Variants in ALK observed in about 807,000 individuals in gnomAD.
The protein encoded by ALK is ALK tyrosine kinase receptor.
A neutral mutation model predicts 163.1 loss-of-function variants in ALK; 74 were observed. The ratio of observed to expected loss-of-function variants is 0.45; its 90% confidence interval spans 0.38 to 0.55. The LOEUF (loss-of-function observed/expected upper bound fraction) is 0.55. Among genes scored for constraint, ALK ranks in the 20% least tolerant of loss-of-function variants. ALK has a pLI of 0.00. For synonymous variants in ALK, 960 were observed against 843.2 expected, an observed-to-expected ratio of 1.14 and a Z score of -2.40; for missense variants, 2,063 against 2,105.3, an observed-to-expected ratio of 0.98 and a Z score of 0.39.
intron 1 of ALK, among the ~76,000 whole-genome samples, chr2:29,880,207 G>C (rs886699292): frequency 6.6e-6 from 1 of 152,214 alleles, no homozygotes; most frequent in African/African-American, 2.4e-5. Flanking sequence ...TTGGGAGGCA[G>C]TCTCCTCTCC....
chr2:29,259,937 T>G (rs1489749968), intron 11 of ALK, among the ~76,000 whole-genome samples: 1 of 152,060 alleles, frequency 6.6e-6, no homozygotes, highest in East Asian at 1.9e-4. Context: ...AAAAATACTT[T>G]GGGCACCTAA....
intron 4 of ALK, among the ~76,000 whole-genome samples, chr2:29,502,417 C>T (rs767309095): frequency 2.5e-4 from 38 of 152,178 alleles, no homozygotes; most frequent in Non-Finnish European, 4.7e-4. Flanking sequence ...AAATCCTTCT[C>T]TTGAAGTTTC....
intron 5 of ALK, among the ~76,000 whole-genome samples, chr2:29,375,120 T>G (rs1668724086): frequency 6.6e-6 from 1 of 152,064 alleles, no homozygotes; most frequent in Non-Finnish European, 1.5e-5. Flanking sequence ...AATGGTAATT[T>G]CTTCATGAGA....
At chr2:29,256,751 T>C (rs1664958610) in intron 11 of ALK, among the ~76,000 whole-genome samples, 2 of 151,548 alleles carry the variant, frequency 1.3e-5, no homozygotes, top group South Asian at 4.2e-4. Context: ...CTGAGGTGAG[T>C]GGACCCTCCA....
At chr2:29,618,239 A>C (rs541419902) in intron 3 of ALK, among the ~76,000 whole-genome samples, 1 of 152,202 alleles carries the variant, frequency 6.6e-6, no homozygotes, top group African/African-American at 2.4e-5. Context: ...TCCAGATGCA[A>C]TTATAGTTGT....
chr2:29,594,718 C>T (rs573737931), intron 3 of ALK, among the ~76,000 whole-genome samples: 1 of 152,036 alleles, frequency 6.6e-6, no homozygotes, highest in East Asian at 1.9e-4. Context: ...TGAGCCACTG[C>T]ACCCAGCCAA....
intron 4 of ALK, among the ~76,000 whole-genome samples, chr2:29,408,127 G>T: frequency 6.9e-6 from 1 of 145,296 alleles, no homozygotes; most frequent in African/African-American, 2.6e-5. Context: ...CTGTCACCCA[G>T]GCTGAAGTGC....
chr2:29,567,933 T>C (rs981145282), intron 3 of ALK, among the ~76,000 whole-genome samples: 1 of 152,212 alleles, frequency 6.6e-6, no homozygotes, highest in African/African-American at 2.4e-5. Flanking sequence ...TGGAGGAATA[T>C]TTTACCATGA....
chr2:29,539,492 C>A (rs1558374589), intron 3 of ALK, among the ~76,000 whole-genome samples: 3 of 152,064 alleles, frequency 2.0e-5, no homozygotes, highest in Non-Finnish European at 4.4e-5. Context: ...AATCTACAGA[C>A]AATTATTGTT....
At chr2:29,844,406 G>C (rs778284450) in intron 1 of ALK, among the ~76,000 whole-genome samples, 1 of 152,134 alleles carries the variant, frequency 6.6e-6, no homozygotes, top group Non-Finnish European at 1.5e-5. Flanking sequence ...TAAGAGCAAG[G>C]TGAGACAATG....
At chr2:29,907,855 T>A (rs977584397) in intron 1 of ALK, among the ~76,000 whole-genome samples, 1 of 152,218 alleles carries the variant, frequency 6.6e-6, no homozygotes, top group African/African-American at 2.4e-5. Flanking sequence ...ATTATTGTCA[T>A]GCCAACCACT....
chr2:29,642,705 T>C (rs1239648506), intron 3 of ALK, among the ~76,000 whole-genome samples: 1 of 152,146 alleles, frequency 6.6e-6, no homozygotes, highest in Non-Finnish European at 1.5e-5. Context: ...ATTCAGCTCT[T>C]CTTTAAAAAA....
rs971824929 is a variant in ALK, at chr2:29,882,043, C to T, written c.667+37950G>A. Among the ~76,000 whole-genome samples, 6 of 152,208 alleles carry T rather than the reference C, an allele frequency of 3.9e-5. No homozygotes were observed. In the East Asian group the frequency reaches 9.7e-4, roughly 25 times the overall value. On this transcript the variant is annotated intron_variant, in intron 1 of 28. Coordinates refer to ENST00000389048, the MANE Select transcript of ALK (RefSeq NM_004304.5). ...AAGACCCACACACACACATCACAGT[C>T]CCCCCACCCAATTCCTCCATCTGCA... is the stretch of plus-strand genomic sequence containing the variant.
intron 1 of ALK, among the ~76,000 whole-genome samples, chr2:29,768,881 T>A (rs1444780483): frequency 6.6e-6 from 1 of 152,072 alleles, no homozygotes; most frequent in Admixed American, 6.6e-5. Flanking sequence ...TCACCCAGGC[T>A]GGAGTGCAGG....
At chr2:29,639,328 C>T (rs143564803) in intron 3 of ALK, among the ~76,000 whole-genome samples, 12 of 152,272 alleles carry the variant, frequency 7.9e-5, no homozygotes, top group Non-Finnish European at 1.2e-4. Flanking sequence ...TGTGTCCTTG[C>T]GTGGTGCACA....
intron 4 of ALK, among the ~76,000 whole-genome samples, chr2:29,428,158 T>C (rs554856359): frequency 6.6e-6 from 1 of 152,084 alleles, no homozygotes; most frequent in South Asian, 2.1e-4. Context: ...TAGCTGTAAA[T>C]GTCTACGTTA....
At chr2:29,458,719 C>T (rs1044440890) in intron 4 of ALK, among the ~76,000 whole-genome samples, 1 of 152,140 alleles carries the variant, frequency 6.6e-6, no homozygotes, top group African/African-American at 2.4e-5. Context: ...TAGCTGAAGC[C>T]TCCATTAAGA....
Position 29,491,384 on chromosome 2 carries a change from G to A in ALK, c.1154+40531C>T, listed in dbSNP as rs533835494. On this transcript the variant is annotated intron_variant, in intron 4 of 28. Coordinates refer to ENST00000389048, the MANE Select transcript of ALK (RefSeq NM_004304.5). ...ATTGCATGAATGAATGAATTGAATT[G>A]AACGTCAAGCCTGTGTACCTCAAAA... Among the ~76,000 whole-genome samples the A allele has an allele frequency of 2.0e-5, 3 of 152,232 alleles. No homozygotes were observed. The South Asian group carries it at 6.2e-4, about 32-fold the overall frequency.
intron 4 of ALK, among the ~76,000 whole-genome samples, chr2:29,395,968 A>C (rs1186879452): frequency 2.6e-5 from 4 of 152,154 alleles, no homozygotes; most frequent in Admixed American, 6.5e-5. Context: ...CTCCCATGTC[A>C]TGGAAAACTT....
Sources: gnomAD v4.1 joint callset for allele counts (sites outside exome capture counted in the v4.1 genomes callset) on GRCh38, gnomAD v4.1.1 for gene constraint, MANE v1.5 for transcripts, NCBI Gene and HGNC (gene_info 2026-07-23, HGNC 2026-07-21) for gene names.